MCC: variants seen among roughly 807,000 people sequenced by gnomAD.
The protein encoded by MCC is colorectal mutant cancer protein.
A neutral mutation model predicts 116.2 loss-of-function variants in MCC; 90 were observed. The ratio of observed to expected loss-of-function variants is 0.77; its 90% confidence interval spans 0.65 to 0.92. MCC has a LOEUF of 0.92. Among genes scored for constraint, MCC ranks in the 40% least tolerant of loss-of-function variants. The pLI is 0.00. For missense variants in MCC, 1,516 were observed against 1,312.2 expected (o/e 1.16, Z -2.40); for synonymous variants, 578 against 510.5 (o/e 1.13, Z -1.78).
At chr5:113,068,037 G>A (rs549415079) in intron 13 of MCC, 43 bp downstream of exon 13, 11 of 1,507,850 alleles carry the variant, frequency 7.3e-6, no homozygotes, top group Non-Finnish European at 1.0e-5. Flanking sequence ...AGCAAAGGAG[G>A]CAGGGAGACA....
At chr5:113,454,065 C>T (rs1447529167) in intron 1 of MCC, among the ~76,000 whole-genome samples, 1 of 151,926 alleles carries the variant, frequency 6.6e-6, no homozygotes, top group Non-Finnish European at 1.5e-5. Flanking sequence ...GACGGAATAT[C>T]GCGCTATTGC....
chr5:113,159,063 G>A (rs899204155), intron 3 of MCC, among the ~76,000 whole-genome samples: 5 of 152,144 alleles, frequency 3.3e-5, no homozygotes, highest in Non-Finnish European at 7.4e-5. Context: ...AGCGAGAAGG[G>A]TGGCAGGGCA....
Position 113,434,702 on chromosome 5 carries a change from C to T in MCC, c.171-49490G>A, listed in dbSNP as rs759867210. On this transcript the variant is annotated intron_variant, in intron 1 of 18. Coordinates refer to ENST00000408903, the MANE Select transcript of MCC (RefSeq NM_001085377.2). The surrounding 1 kb of genome is among the most constrained non-coding windows in gnomAD (Gnocchi z 4.2). Reference sequence around the variant, plus strand: ...TCTCCAAGAAGTCTGCGGGGGCCTTCTTGCGGTCGATGATCTTGATCGCCA... The same window carrying T: ...TCTCCAAGAAGTCTGCGGGGGCCTTTTTGCGGTCGATGATCTTGATCGCCA... 1 of 1,613,952 alleles carries T rather than the reference C, an allele frequency of 6.2e-7. No homozygotes were observed. The highest frequency in any genetic ancestry group is 1.1e-5 in the South Asian group (1 of 91,078).
intron 1 of MCC, among the ~76,000 whole-genome samples, chr5:113,398,716 T>C (rs1435972801): frequency 6.6e-6 from 1 of 152,164 alleles, no homozygotes; most frequent in Non-Finnish European, 1.5e-5. Context: ...GGTTGAAAAA[T>C]TATTGGGTAC....
At chr5:113,071,318 G>A in intron 11 of MCC, 84 bp from the exon 12 acceptor site, 1 of 1,451,016 alleles carries the variant, frequency 6.9e-7, no homozygotes, top group South Asian at 1.3e-5. Flanking sequence ...ATTCAGGGCA[G>A]AAAAGCATGT....
At chr5:113,175,594 T>G (rs1469444546) in intron 3 of MCC, among the ~76,000 whole-genome samples, 4 of 152,152 alleles carry the variant, frequency 2.6e-5, no homozygotes, top group Non-Finnish European at 5.9e-5. Context: ...CTAGGGATAC[T>G]GCAATGTATT....
At chr5:113,098,054 T>C (rs1394018561) in intron 8 of MCC, among the ~76,000 whole-genome samples, 2 of 152,230 alleles carry the variant, frequency 1.3e-5, no homozygotes, top group African/African-American at 2.4e-5. Flanking sequence ...GAAGAATTTC[T>C]AGAAAATCTC....
chr5:113,445,845 A>C (rs552703149), intron 1 of MCC, among the ~76,000 whole-genome samples: 6 of 152,190 alleles, frequency 3.9e-5, no homozygotes, highest in Admixed American at 2.0e-4. Context: ...CCTGACTTCA[A>C]ACTATGTTAT....
rs1314374018 is a variant in MCC at position 113,104,226 on chromosome 5, G to A, written c.1157C>T (p.Thr386Ile). Residue 386 changes from threonine to isoleucine, a missense_variant, in exon 7 of 19, where the codon ACC (threonine) becomes ATC (isoleucine). Transcript: ENST00000408903. ...CAGGTCACAGTGCTCGCTGGCTGTG[G>A]TGAGCTGCTCAATGTGCTTGTCCAC... ...AEVDKHIEQL[T>I]TASEHCDLAI... The A allele has an allele frequency of 6.2e-7, 1 of 1,613,848 alleles. No homozygotes were observed. Among genetic ancestry groups the A allele is most frequent in the African/African-American group, 1.3e-5 (1 of 74,926 alleles).
chr5:113,335,431 A>C (rs1191574954), intron 3 of MCC, among the ~76,000 whole-genome samples: 1 of 151,814 alleles, frequency 6.6e-6, no homozygotes, highest in African/African-American at 2.4e-5. Context: ...TATAGCTCAC[A>C]GAATTTATCT....
intron 2 of MCC, among the ~76,000 whole-genome samples, chr5:113,369,878 C>T (rs1414314335): frequency 6.6e-6 from 1 of 152,192 alleles, no homozygotes; most frequent in Non-Finnish European, 1.5e-5. Flanking sequence ...CTACTTCTTT[C>T]CTTCAAAATC....
At chr5:113,286,170 A>T (rs551346094) in intron 3 of MCC, among the ~76,000 whole-genome samples, 2 of 152,296 alleles carry the variant, frequency 1.3e-5, no homozygotes, top group Admixed American at 1.3e-4. Context: ...CTGAACACAG[A>T]TAAGGGAAGG....
chr5:113,307,303 T>G (rs1465241666), intron 3 of MCC, among the ~76,000 whole-genome samples: 1 of 152,226 alleles, frequency 6.6e-6, no homozygotes, highest in Non-Finnish European at 1.5e-5. Flanking sequence ...TTCGTTTACT[T>G]AAGTTTGCTT....
intron 10 of MCC, 75 bp from the exon 11 acceptor site, chr5:113,083,083 A>G (rs1400216550): frequency 2.8e-6 from 4 of 1,425,814 alleles, no homozygotes; most frequent in Admixed American, 2.0e-5. Context: ...AAAAGAATTT[A>G]AAGCTGATAT....
intron 11 of MCC, 112 bp from the exon 12 acceptor site, chr5:113,071,346 A>G (rs1476406928): frequency 8.3e-6 from 9 of 1,084,510 alleles, no homozygotes; most frequent in Non-Finnish European, 1.1e-5. Context: ...TGGGCCTGTC[A>G]GATTAGTAGC....
chr5:113,247,883 T>C (rs547783763), intron 3 of MCC, among the ~76,000 whole-genome samples: 25 of 152,112 alleles, frequency 1.6e-4, no homozygotes, highest in African/African-American at 5.8e-4. Flanking sequence ...CCAACAGCCA[T>C]TTACAAGTCA....
rs1181503856 is a variant in MCC at position 113,027,199 on chromosome 5, C to T, written c.*103G>A. 3 of 1,281,022 alleles carry T rather than the reference C, an allele frequency of 2.3e-6. No homozygotes were observed. The highest frequency in any genetic ancestry group is 3.0e-5 in the African/African-American group (2 of 67,126). The allele number at this position is 1,281,022 out of a possible 1,614,324, so 79.4% of individuals were successfully genotyped here. A position where few individuals can be genotyped will look rare whatever the true frequency, so the allele number is the denominator to read the frequency against. On this transcript the variant is annotated 3_prime_UTR_variant, in exon 19 of 19. Coordinates refer to ENST00000408903, the MANE Select transcript of MCC (RefSeq NM_001085377.2). ...TCCAAGTGCCGACCTACCTGCCAGCCTTCCCTTTCCTCCTCCTCCCAACAA... is the reference window on the plus strand; with the variant it reads ...TCCAAGTGCCGACCTACCTGCCAGCTTTCCCTTTCCTCCTCCTCCCAACAA...
At chr5:113,065,053 T>C (rs1251944344) in intron 13 of MCC, among the ~76,000 whole-genome samples, 3 of 151,866 alleles carry the variant, frequency 2.0e-5, no homozygotes, top group Non-Finnish European at 4.4e-5. Context: ...GGGGGAGGAA[T>C]GAATAGGTGG....
At chr5:113,284,070 T>C (rs1300330056) in intron 3 of MCC, among the ~76,000 whole-genome samples, 2 of 152,260 alleles carry the variant, frequency 1.3e-5, no homozygotes, top group African/African-American at 2.4e-5. Context: ...ATAAAATGTG[T>C]TAATTGACTT....
Sources: gnomAD v4.1 joint callset for allele counts (sites outside exome capture counted in the v4.1 genomes callset) on GRCh38, gnomAD v4.1.1 for gene constraint, Gnocchi (gnomAD v3.1) non-coding constraint, MANE v1.5 for transcripts, NCBI Gene and HGNC (gene_info 2026-07-23, HGNC 2026-07-21) for gene names.